Variants in LRIF1 observed in about 807,000 individuals in gnomAD.
The protein encoded by LRIF1 is ligand-dependent nuclear receptor-interacting factor 1.
Under a neutral mutation model 52.7 loss-of-function variants are expected in LRIF1, and 32 were observed. The observed-to-expected ratio is 0.61, with a 90% CI of 0.46 to 0.82. The LOEUF (loss-of-function observed/expected upper bound fraction) is 0.82. Ranked by LOEUF, LRIF1 falls within the 40% of genes least tolerant of loss-of-function variation. The pLI is 0.00. For synonymous variants in LRIF1, 323 were observed against 317.4 expected (o/e 1.02, Z -0.19); for missense variants, 887 against 892.0 (o/e 0.99, Z 0.07).
At chr1:110,903,342 A>G in the LRIF1 span, among the ~76,000 whole-genome samples, 1 of 152,190 alleles carries the variant, frequency 6.6e-6, no homozygotes. Flanking sequence ...CAGGCTGCAC[A>G]GCTCACAGCT....
At chr1:110,894,842 G>A in the LRIF1 span, 20 of 750,626 alleles carry the variant, frequency 2.7e-5, no homozygotes, top group Non-Finnish European at 4.8e-5. Flanking sequence ...CCTTAGTTCT[G>A]AGGAGACCAT....
chr1:110,954,312 G>A (rs527676698), intron 1 of LRIF1, among the ~76,000 whole-genome samples: 13 of 152,168 alleles, frequency 8.5e-5, no homozygotes, highest in African/African-American at 2.9e-4. Flanking sequence ...ACAGGGCCCG[G>A]CTCTGTCATC....
At chr1:110,941,498 AC>A in the LRIF1 span, 4 of 151,954 alleles carry the variant, frequency 2.6e-5, no homozygotes, top group African/African-American at 9.7e-5. Context: ...ACTAATTCAT[AC>A]CCCTGCAAGA....
chr1:110,878,187 C>A, the LRIF1 span, among the ~76,000 whole-genome samples: 1 of 152,186 alleles, frequency 6.6e-6, no homozygotes, highest in Admixed American at 6.5e-5. Flanking sequence ...TTATGAGGAA[C>A]TTAGTTATTT....
chr1:110,951,402 G>T lies in LRIF1; in HGVS notation c.1482C>A (p.Ala494=). 1 of 1,614,006 alleles carries T rather than the reference G, an allele frequency of 6.2e-7. No homozygotes were observed. Among genetic ancestry groups the T allele is most frequent in the Non-Finnish European group, 8.5e-7 (1 of 1,179,962 alleles). ...TGHNAPRKVT[A]VIYARKGSVL... ...CACTTCCTTTTCTAGCATAAATGAC[G>T]GCTGTTACTTTTCTGGGGGCATTGT... The change falls in exon 2 of 4, where the codon GCC becomes GCA. Residue 494 remains alanine, a synonymous_variant. Coordinates refer to ENST00000369763, the MANE Select transcript of LRIF1 (RefSeq NM_018372.4).
At chr1:110,886,133 T>C in the LRIF1 span, among the ~76,000 whole-genome samples, 1 of 152,190 alleles carries the variant, frequency 6.6e-6, no homozygotes, top group East Asian at 1.9e-4. Flanking sequence ...GTATAGATTT[T>C]TAGTATGACA....
intron 3 of LRIF1, among the ~76,000 whole-genome samples, chr1:110,948,782 A>G (rs1166775591): frequency 1.3e-5 from 2 of 152,348 alleles, no homozygotes; most frequent in East Asian, 3.9e-4. Context: ...TCTCTGATCT[A>G]AAGTTCAGAA....
chr1:110,941,545 C>T, the LRIF1 span: 3 of 152,058 alleles, frequency 2.0e-5, no homozygotes, highest in Non-Finnish European at 2.9e-5. Flanking sequence ...CACTTTAGTA[C>T]CATTCTTTTT....
chr1:110,912,984 A>T, the LRIF1 span, among the ~76,000 whole-genome samples: 2 of 152,224 alleles, frequency 1.3e-5, no homozygotes, highest in African/African-American at 4.8e-5. Context: ...ACACAGACAC[A>T]CAGACTAATG....
chr1:110,902,860 G>T, the LRIF1 span, among the ~76,000 whole-genome samples: 1 of 152,176 alleles, frequency 6.6e-6, no homozygotes, highest in Non-Finnish European at 1.5e-5. Context: ...TGTTAAGTTG[G>T]TATCACTGAA....
At chr1:110,940,780 A>G in the LRIF1 span, 1 of 152,200 alleles carries the variant, frequency 6.6e-6, no homozygotes, top group African/African-American at 2.4e-5. Flanking sequence ...CTAAAAATCA[A>G]AACAATTGAA....
chr1:110,956,225 G>A (rs772190348), intron 1 of LRIF1, among the ~76,000 whole-genome samples: 2 of 152,130 alleles, frequency 1.3e-5, no homozygotes, highest in Non-Finnish European at 2.9e-5. Context: ...TTGATGGCAT[G>A]GGGAGACAGG....
the LRIF1 span, among the ~76,000 whole-genome samples, chr1:110,896,415 A>T: frequency 2.0e-5 from 3 of 152,082 alleles, no homozygotes; most frequent in African/African-American, 7.2e-5. Context: ...CTTATTCTTG[A>T]TCTGTAAAAT....
chr1:110,945,562 A>G (rs538238492), downstream of LRIF1, among the ~76,000 whole-genome samples: 4 of 152,154 alleles, frequency 2.6e-5, no homozygotes, highest in African/African-American at 9.6e-5. Context: ...AGTAGCCGAG[A>G]TTACAGGCAT....
intron 1 of LRIF1, among the ~76,000 whole-genome samples, chr1:110,957,470 C>CAAAAAAAACAAAAAAAAAAAAAAAAAA (rs1658750784): frequency 2.3e-5 from 1 of 42,802 alleles, no homozygotes; most frequent in Admixed American, 3.4e-4. Context: ...GACTCAGTCT[C>CAAAAAAAACAAAAAAAAAAAAAAAAAA]AAAAAAAAAA....
At chr1:110,946,651 CTTTTTTTTTTTT>C (rs1197301792), downstream of LRIF1, among the ~76,000 whole-genome samples, 5 of 80,858 alleles carry the variant, frequency 6.2e-5, no homozygotes, top group East Asian at 3.8e-4. Flanking sequence ...AGATTTGATC[CTTTTTTTTTTTT>C]TTTTTTTTTT....
the LRIF1 span, among the ~76,000 whole-genome samples, chr1:110,924,756 A>G: frequency 6.6e-6 from 1 of 152,236 alleles, no homozygotes; most frequent in African/African-American, 2.4e-5. Context: ...GAACATTATG[A>G]TAAAGAAAAA....
the LRIF1 span, among the ~76,000 whole-genome samples, chr1:110,920,966 CA>C: frequency 6.6e-6 from 1 of 151,856 alleles, no homozygotes; most frequent in Non-Finnish European, 1.5e-5. Context: ...ATACTTCAGG[CA>C]AAGGGAAAGT....
the LRIF1 span, chr1:110,936,570 G>T: frequency 3.3e-5 from 5 of 151,776 alleles, no homozygotes; most frequent in African/African-American, 7.3e-5. Context: ...CAAGCTTCAC[G>T]GTGATCTCAA....
Sources: gnomAD v4.1 joint callset for allele counts (sites outside exome capture counted in the v4.1 genomes callset) on GRCh38, gnomAD v4.1.1 for gene constraint, MANE v1.5 for transcripts, NCBI Gene and HGNC (gene_info 2026-07-23, HGNC 2026-07-21) for gene names.